The following APPL2 variants were observed in gnomAD, a reference collection of about 807,000 sequenced individuals.
The protein encoded by APPL2 is DCC-interacting protein 13-beta.
In APPL2, 84 loss-of-function variants were observed where a neutral mutation model predicts 92.7. The ratio of observed to expected loss-of-function variants is 0.91; its 90% CI spans 0.76 to 1.09. APPL2 has a LOEUF of 1.09. Among genes scored for constraint, APPL2 ranks in the 50% least tolerant of loss-of-function variants. APPL2 has a pLI of 0.00. For synonymous variants in APPL2, 291 were observed against 291.0 expected (o/e 1.00, Z 0.00); for missense variants, 736 against 824.5 (o/e 0.89, Z 1.31).
At position 105,185,107 on chromosome 12, in the gene APPL2, C is replaced by G. The variant is rs561310993; in HGVS notation, c.1634+3166G>C. Among the ~76,000 whole-genome samples the G allele has an allele frequency of 2.6e-5, 4 of 152,286 alleles. No individual in the cohort carries two copies. In the South Asian group the frequency reaches 8.3e-4, roughly 32 times the overall value. ...TCAGTAATGGCGGATGCCCCTCCCC[C>G]CCACCAAGCTCGAGCATCCCTGGTC... On this transcript the variant is annotated intron_variant, in intron 17 of 20. Coordinates refer to ENST00000258530, the MANE Select transcript of APPL2 (RefSeq NM_018171.5).
At chr12:105,190,451 C>G (rs569253212) in intron 14 of APPL2, among the ~76,000 whole-genome samples, 3 of 152,302 alleles carry the variant, frequency 2.0e-5, no homozygotes, top group Admixed American at 2.0e-4. Flanking sequence ...TATGCTATAG[C>G]TAAGTCATAT....
chr12:105,178,391 G>GT (rs1329597669), intron 17 of APPL2, among the ~76,000 whole-genome samples: 3 of 152,162 alleles, frequency 2.0e-5, no homozygotes, highest in African/African-American at 7.2e-5. Context: ...CTAGGGCTGG[G>GT]TGGGTTGCCA....
Position 105,189,768 on chromosome 12 carries a change from T to C in APPL2, c.1459+4A>G. 1 of 1,614,124 alleles carries C rather than the reference T, an allele frequency of 6.2e-7. No homozygotes were observed. Among genetic ancestry groups the C allele is most frequent in the Non-Finnish European group, 8.5e-7 (1 of 1,179,966 alleles). ...AGAATAAGGACACCAAACTAGTCAC[T>C]TACCTTCTGCTTCTGGAAATGATTC... On this transcript the variant is annotated splice_donor_region_variant and intron_variant, in intron 16 of 20. Transcript: ENST00000258530.
At chr12:105,192,847 G>A (rs1156278654) in intron 14 of APPL2, among the ~76,000 whole-genome samples, 1 of 152,216 alleles carries the variant, frequency 6.6e-6, no homozygotes, top group African/African-American at 2.4e-5. Flanking sequence ...TGAGTAGCTA[G>A]ATAAATGAAT....
chr12:105,195,215 A>AT (rs912144421), intron 14 of APPL2, 46 bp downstream of exon 14: 3 of 1,570,136 alleles, frequency 1.9e-6, no homozygotes, highest in African/African-American at 2.7e-5. Context: ...TTCCTAATCA[A>AT]TAATTTGGCT....
chr12:105,213,394 G>A (rs1289020118), intron 4 of APPL2, among the ~76,000 whole-genome samples: 2 of 152,154 alleles, frequency 1.3e-5, no homozygotes, highest in Non-Finnish European at 2.9e-5. Flanking sequence ...ATAGAAAATG[G>A]GGACAACAGC....
chr12:105,195,219 T>G (rs766145339), intron 14 of APPL2, 42 bp downstream of exon 14: 1 of 1,579,150 alleles, frequency 6.3e-7, no homozygotes, highest in South Asian at 1.1e-5. Flanking sequence ...TAATCAATAA[T>G]TTGGCTCCAC....
intron 1 of APPL2, chr12:105,229,664 C>T: frequency 1.0e-6 from 1 of 988,946 alleles, no homozygotes; most frequent in East Asian, 1.1e-4. Context: ...GTAGTGTGAT[C>T]ATCCCAGCAG....
At chr12:105,178,830 T>C (rs1190206847) in intron 17 of APPL2, among the ~76,000 whole-genome samples, 1 of 152,202 alleles carries the variant, frequency 6.6e-6, no homozygotes, top group East Asian at 1.9e-4. Context: ...GGGCATGAAT[T>C]TAATTTTTTG....
In APPL2 at chr12:105,189,648, GAAC is replaced by G. The variant is rs1343132886; in HGVS notation, c.1459+121_1459+123del. 1.3e-5 allele frequency: 15 copies of G among 1,154,072 alleles called. No individual in the cohort carries two copies. In the East Asian group the frequency reaches 1.7e-4, roughly 13 times the overall value. The allele number at this position is 1,154,072 out of a possible 1,614,324, so 71.5% of individuals were successfully genotyped here. A position where few individuals can be genotyped will look rare whatever the true frequency, so the allele number is the denominator to read the frequency against. Reference sequence around the variant, plus strand: ...CTGCAGATATCTTACTAAACTTTCAGAACAACAAATCTTAATTCATACTCCTAA... The same window carrying G: ...CTGCAGATATCTTACTAAACTTTCAGAACAAATCTTAATTCATACTCCTAA... On this transcript the variant is annotated intron_variant, in intron 16 of 20. Transcript: ENST00000258530.
chr12:105,206,054 A>G lies in APPL2; in HGVS notation c.621+1007T>C, dbSNP rs947104819. Among the ~76,000 whole-genome samples the G allele has an allele frequency of 3.9e-5, 6 of 152,312 alleles. 1 individual carries two copies. Among genetic ancestry groups the G allele is most frequent in the Admixed American group, 6.5e-5 (1 of 15,304 alleles). On this transcript the variant is annotated intron_variant, in intron 8 of 20. Coordinates refer to ENST00000258530, the MANE Select transcript of APPL2 (RefSeq NM_018171.5). ...TAACAAGGAAGACAACTGAGCTTGG[A>G]TATCTTCCGAACCCATTTCCCATTT...
chr12:105,204,110 G>A (rs1888486212), intron 8 of APPL2, among the ~76,000 whole-genome samples: 1 of 152,198 alleles, frequency 6.6e-6, no homozygotes, highest in Non-Finnish European at 1.5e-5. Context: ...ACATTTCTGT[G>A]TATTAGTGGC....
At chr12:105,235,730 A>C (rs1592850319) in intron 1 of APPL2, among the ~76,000 whole-genome samples, 1 of 151,724 alleles carries the variant, frequency 6.6e-6, no homozygotes, top group Non-Finnish European at 1.5e-5. Flanking sequence ...CGACATCAAG[A>C]CTCCGGCCGC....
At chr12:105,174,739 ACTC>A (rs1241349249) in intron 20 of APPL2, among the ~76,000 whole-genome samples, 6 of 151,526 alleles carry the variant, frequency 4.0e-5, no homozygotes, top group African/African-American at 1.5e-4. Flanking sequence ...CTATCTTTAA[ACTC>A]CTTCTTTTCT....
chr12:105,211,047 G>C (rs528847265), intron 5 of APPL2, among the ~76,000 whole-genome samples, 183 bp downstream of exon 5: 185 of 152,294 alleles, frequency 1.2e-3, no homozygotes, highest in African/African-American at 4.1e-3. Context: ...TCACTGGCCT[G>C]TGATCTCCTT....
intron 10 of APPL2, among the ~76,000 whole-genome samples, chr12:105,198,456 G>A (rs547749432): frequency 2.6e-5 from 4 of 152,262 alleles, no homozygotes; most frequent in African/African-American, 7.2e-5. Context: ...GGCAAATAAC[G>A]ACAGAACCCG....
At chr12:105,229,566 T>C in intron 1 of APPL2, 2 of 1,012,800 alleles carry the variant, frequency 2.0e-6, no homozygotes, top group Non-Finnish European at 2.4e-6. Context: ...AAAAAGTGTT[T>C]AAAAGGGCAG....
At chr12:105,196,626 A>G (rs1479564642) in intron 11 of APPL2, among the ~76,000 whole-genome samples, 69 of 152,040 alleles carry the variant, frequency 4.5e-4, no homozygotes, top group Admixed American at 4.3e-3. Context: ...TTTCCAGTAG[A>G]GACGGGGTTT....
intron 19 of APPL2, 140 bp downstream of exon 19, chr12:105,176,736 T>C (rs1407080953): frequency 1.9e-5 from 21 of 1,108,924 alleles, no homozygotes; most frequent in African/African-American, 7.9e-5. Flanking sequence ...TGAGGCCTTC[T>C]TAGGAGGTAT....
Sources: allele counts gnomAD v4.1 joint callset (sites outside exome capture counted in the v4.1 genomes callset), GRCh38; gene constraint gnomAD v4.1.1; transcripts MANE v1.5; gene names NCBI Gene and HGNC (gene_info 2026-07-23, HGNC 2026-07-21).